UHRF1: variants seen among roughly 807,000 people sequenced by gnomAD.
UHRF1 encodes the protein ubiquitin like with PHD and ring finger domains 1.
UHRF1 carries 9 observed loss-of-function variants against 96.5 expected under a neutral mutation model. That is an observed-to-expected ratio of 0.09 (90% confidence interval 0.06 to 0.16). The LOEUF is 0.16. UHRF1 is among the 10% of genes least tolerant of loss of function. The pLI is 1.00. For missense variants in UHRF1, 626 were observed against 1,131.1 expected (o/e 0.55, Z 6.40); for synonymous variants, 455 against 469.9 (o/e 0.97, Z 0.41).
rs2307207 is a variant in UHRF1 at position 4,954,632 on chromosome 19, C to T, written c.1958-18C>T. On this transcript the variant is annotated intron_variant, in intron 14 of 16. Transcript: ENST00000650932. This position sits in a 1 kb window ranked among gnomAD's most constrained non-coding sequence, Gnocchi z 5.9. ...TCGGGCCACGCGCCCCTCCCTCACG[C>T]GCCCCACCCTCTTCCAGGAGGTGGC... The T allele has an allele frequency of 0.39, 624,338 of 1,608,294 alleles. 125,280 individuals are homozygous for T. The highest frequency in any genetic ancestry group is 0.44 in the Middle Eastern group (2,655 of 5,978).
chr19:4,924,139 T>A (rs888614874), intron 2 of UHRF1, among the ~76,000 whole-genome samples: 1 of 152,144 alleles, frequency 6.6e-6, no homozygotes, highest in Non-Finnish European at 1.5e-5. Context: ...GCTAATTTTT[T>A]AATTAATTTT....
chr19:4,914,998 A>G (rs1283652377), intron 2 of UHRF1, among the ~76,000 whole-genome samples: 1 of 152,208 alleles, frequency 6.6e-6, no homozygotes, highest in Non-Finnish European at 1.5e-5. Flanking sequence ...TGGGCACTGC[A>G]GGGTGCGGAG....
chr19:4,939,412 C>A (rs1465858482), intron 5 of UHRF1, among the ~76,000 whole-genome samples: 1 of 151,418 alleles, frequency 6.6e-6, no homozygotes, highest in Non-Finnish European at 1.5e-5. Flanking sequence ...TTGCTGTTTG[C>A]TGTCTCACCT....
chr19:4,942,541 C>T (rs946248558), intron 7 of UHRF1, among the ~76,000 whole-genome samples: 2 of 151,964 alleles, frequency 1.3e-5, no homozygotes, highest in South Asian at 2.1e-4. Flanking sequence ...CTCTGCCTCC[C>T]GGGTTCAAGC....
chr19:4,943,615 ATCCGTGGAATTC>A (rs2033475248), intron 7 of UHRF1, among the ~76,000 whole-genome samples: 1 of 151,594 alleles, frequency 6.6e-6, no homozygotes, highest in South Asian at 2.1e-4. Flanking sequence ...CTGTTGCAAG[ATCCGTGGAATTC>A]TCCGTGGAAG....
At chr19:4,953,741 T>C (rs1390813888) in intron 13 of UHRF1, among the ~76,000 whole-genome samples, 3 of 152,172 alleles carry the variant, frequency 2.0e-5, no homozygotes, top group African/African-American at 7.2e-5. Flanking sequence ...GTTGGGCTTA[T>C]TTAATAAAAA....
chr19:4,928,679 GTC>G (rs1480201296), intron 2 of UHRF1, among the ~76,000 whole-genome samples: 1 of 152,154 alleles, frequency 6.6e-6, no homozygotes, highest in African/African-American at 2.4e-5. Context: ...GTGGGACAGG[GTC>G]TCTCTGTCTC....
At chr19:4,917,545 T>G (rs980551254) in intron 2 of UHRF1, among the ~76,000 whole-genome samples, 1 of 149,510 alleles carries the variant, frequency 6.7e-6, no homozygotes, top group African/African-American at 2.5e-5. Context: ...TCCCAGCTAC[T>G]TGGGAGGCTG....
intron 2 of UHRF1, among the ~76,000 whole-genome samples, chr19:4,928,628 A>G (rs1010568460): frequency 1.8e-4 from 27 of 152,312 alleles, no homozygotes; most frequent in Admixed American, 1.6e-3. Flanking sequence ...GGAAGCTCAT[A>G]GGAAGCTCAT....
upstream of UHRF1, among the ~76,000 whole-genome samples, chr19:4,907,604 A>C (rs2032091747): frequency 6.6e-6 from 1 of 150,610 alleles, no homozygotes; most frequent in African/African-American, 2.4e-5. Context: ...GGGAGGTCAG[A>C]AGTCTGAAAT....
chr19:4,922,668 G>A (rs1208018449), intron 2 of UHRF1, among the ~76,000 whole-genome samples: 1 of 152,198 alleles, frequency 6.6e-6, no homozygotes, highest in Non-Finnish European at 1.5e-5. Context: ...CGCGCTTCGG[G>A]TTGTGCAAGC....
At chr19:4,907,704 CTTTTTTTTTTTT>C (rs59867968), upstream of UHRF1, among the ~76,000 whole-genome samples, 2 of 47,670 alleles carry the variant, frequency 4.2e-5, no homozygotes, top group Admixed American at 5.4e-4. Context: ...TTGGCCTGAT[CTTTTTTTTTTTT>C]TTTTTTTTTT....
At chr19:4,905,707 G>A (rs538155081), upstream of UHRF1, among the ~76,000 whole-genome samples, 2 of 151,838 alleles carry the variant, frequency 1.3e-5, no homozygotes, top group Admixed American at 6.6e-5. Context: ...TAGTAGAGAC[G>A]GGGTTTCACC....
upstream of UHRF1, among the ~76,000 whole-genome samples, chr19:4,908,254 G>A (rs1227067467): frequency 6.6e-6 from 1 of 152,072 alleles, no homozygotes; most frequent in Non-Finnish European, 1.5e-5. Context: ...GTCTAGAGAC[G>A]CATATCTTCG....
intron 2 of UHRF1, among the ~76,000 whole-genome samples, chr19:4,918,384 A>C (rs1448934610): frequency 6.6e-6 from 1 of 150,552 alleles, no homozygotes; most frequent in African/African-American, 2.4e-5. Flanking sequence ...GGCCTCCCAA[A>C]ATGCTGGGAT....
At chr19:4,949,880 T>G (rs565402450) in intron 11 of UHRF1, among the ~76,000 whole-genome samples, 12 of 150,574 alleles carry the variant, frequency 8.0e-5, no homozygotes, top group Admixed American at 8.0e-4. Flanking sequence ...CTTTGTTTTG[T>G]TTTTTTTGAG....
intron 5 of UHRF1, among the ~76,000 whole-genome samples, chr19:4,934,095 C>T (rs1369027012): frequency 6.6e-6 from 1 of 151,268 alleles, no homozygotes; most frequent in Non-Finnish European, 1.5e-5. Context: ...ATGATCTTGG[C>T]TCACTGCAGC....
chr19:4,945,624 A>G (rs1261747137), intron 9 of UHRF1, among the ~76,000 whole-genome samples: 1 of 149,822 alleles, frequency 6.7e-6, no homozygotes, highest in Non-Finnish European at 1.5e-5. Flanking sequence ...TGCCCCGTGC[A>G]CGCTTGATGG....
upstream of UHRF1, chr19:4,909,471 C>A: frequency 1.5e-6 from 1 of 653,722 alleles, no homozygotes. Context: ...CCGCAACTCC[C>A]AAATGCCGAG....
Sources: allele counts gnomAD v4.1 joint callset (sites outside exome capture counted in the v4.1 genomes callset), GRCh38; gene constraint gnomAD v4.1.1; non-coding constraint Gnocchi (gnomAD v3.1); transcripts MANE v1.5; gene names NCBI Gene and HGNC (gene_info 2026-07-23, HGNC 2026-07-21).